RIMS2: variants seen among roughly 807,000 people sequenced by gnomAD.
RIMS2 encodes regulating synaptic membrane exocytosis 2, also known as regulating synaptic membrane exocytosis protein 2.
A neutral mutation model predicts 174.4 loss-of-function variants in RIMS2; 59 were observed. The observed-to-expected ratio is 0.34, with a 90% CI of 0.27 to 0.42. RIMS2 has a LOEUF of 0.42. Ranked by LOEUF, RIMS2 falls within the 10% of genes least tolerant of loss-of-function variation. The pLI, the probability that RIMS2 is intolerant of heterozygous loss-of-function variation, is 1.00. For synonymous variants in RIMS2, 606 were observed against 572.5 expected, an observed-to-expected ratio of 1.06 and a Z score of -0.84; for missense variants, 1,620 against 1,666.3, an observed-to-expected ratio of 0.97 and a Z score of 0.48.
chr8:103,938,424 G>T (rs2081788510), intron 13 of RIMS2, among the ~76,000 whole-genome samples: 1 of 152,046 alleles, frequency 6.6e-6, no homozygotes, highest in Admixed American at 6.6e-5. Context: ...TATTCACTAT[G>T]AGGAGAACAG....
At chr8:103,912,452 T>C (rs996816064) in intron 6 of RIMS2, among the ~76,000 whole-genome samples, 2 of 152,296 alleles carry the variant, frequency 1.3e-5, no homozygotes, top group Middle Eastern at 3.4e-3. Context: ...TGGTCGAATG[T>C]ATTTTAATTA....
chr8:103,835,765 A>G (rs770452163), intron 3 of RIMS2, among the ~76,000 whole-genome samples: 10 of 152,214 alleles, frequency 6.6e-5, no homozygotes, highest in Admixed American at 1.3e-4. Flanking sequence ...TCTAAATATA[A>G]TTGGTTAGCC....
chr8:104,099,357 A>G (rs1156295653), intron 19 of RIMS2, among the ~76,000 whole-genome samples: 1 of 151,848 alleles, frequency 6.6e-6, no homozygotes, highest in African/African-American at 2.4e-5. Context: ...TGTGGCTTGT[A>G]TTTTCTTTTT....
Position 104,207,099 on chromosome 8 carries a change from T to A in RIMS2, c.3335-37817T>A, listed in dbSNP as rs1157462970. Among the ~76,000 whole-genome samples the A allele has an allele frequency of 2.0e-5, 3 of 152,290 alleles. No homozygotes were observed. The East Asian group carries it at 5.8e-4, about 29-fold the overall frequency. ...CTAGGATTAAAAAAAAACAGGCTTC[T>A]TTTTTTACATATAAGGTTTGAAATG... On this transcript the variant is annotated intron_variant, in intron 19 of 23. Transcript: ENST00000504942.
At chr8:104,152,702 T>C (rs2098697087) in intron 19 of RIMS2, among the ~76,000 whole-genome samples, 1 of 152,090 alleles carries the variant, frequency 6.6e-6, no homozygotes, top group Non-Finnish European at 1.5e-5. Context: ...GCTTCTTTCT[T>C]CAGACATAAA....
At chr8:103,860,981 T>A (rs1257595379) in intron 3 of RIMS2, among the ~76,000 whole-genome samples, 1 of 152,090 alleles carries the variant, frequency 6.6e-6, no homozygotes. Context: ...ATTTTGTTTT[T>A]ATTTTTTATT....
intron 19 of RIMS2, among the ~76,000 whole-genome samples, chr8:104,067,391 A>G (rs188863962): frequency 9.7e-4 from 148 of 152,296 alleles, no homozygotes; most frequent in African/African-American, 3.4e-3. Flanking sequence ...CTTTCCTTTA[A>G]AAATGACAAA....
chr8:103,543,210 T>A (rs578041690), intron 1 of RIMS2, among the ~76,000 whole-genome samples: 1 of 152,280 alleles, frequency 6.6e-6, no homozygotes, highest in African/African-American at 2.4e-5. Context: ...ATCAGTAGCA[T>A]TTTTGTGCAG....
At chr8:103,786,450 C>T (rs960163289) in intron 3 of RIMS2, among the ~76,000 whole-genome samples, 1 of 151,820 alleles carries the variant, frequency 6.6e-6, no homozygotes, top group African/African-American at 2.4e-5. Flanking sequence ...GAATGCGTCC[C>T]AGAGATTCTG....
chr8:104,077,839 C>G (rs2097328126), intron 19 of RIMS2, among the ~76,000 whole-genome samples: 2 of 151,224 alleles, frequency 1.3e-5, no homozygotes, highest in East Asian at 2.0e-4. Context: ...CATAAAAGAT[C>G]TACAGTTAAA....
At chr8:104,147,930 G>A (rs2098655919) in intron 19 of RIMS2, among the ~76,000 whole-genome samples, 1 of 152,170 alleles carries the variant, frequency 6.6e-6, no homozygotes, top group Non-Finnish European at 1.5e-5. Context: ...ACACTGTCTG[G>A]AAAACTGATA....
chr8:103,665,068 T>C lies in RIMS2; in HGVS notation c.177-32018T>C, dbSNP rs142135154. Among the ~76,000 whole-genome samples the C allele has an allele frequency of 3.1e-3, 472 of 151,816 alleles. 4 individuals are homozygous for C. Among genetic ancestry groups the C allele is most frequent in the African/African-American group, 0.011 (452 of 41,346 alleles). ...GCATGTTTTCACTCATAGGTGGGAG[T>C]TGAACAATGAGAACACATGGACACA... On this transcript the variant is annotated intron_variant, in intron 1 of 23. Coordinates refer to ENST00000504942, the Ensembl canonical transcript of RIMS2.
At position 103,607,545 on chromosome 8, in the gene RIMS2, C is replaced by A. The variant is rs190935427; in HGVS notation, c.177-89541C>A. ...TGTTTTTCCTGAATCTGAACGTTGG[C>A]CTGCCTTGCTAGATCGGGGAAATTC... On this transcript the variant is annotated intron_variant, in intron 1 of 23. Transcript: ENST00000504942. 1.3e-3 allele frequency among the ~76,000 whole-genome samples: 196 copies of A among 149,076 alleles called. 7 individuals carry two copies. In the East Asian group the frequency reaches 0.035, roughly 27 times the overall value.
chr8:104,081,690 G>A (rs957036085), intron 19 of RIMS2, among the ~76,000 whole-genome samples: 3 of 151,862 alleles, frequency 2.0e-5, no homozygotes, highest in Non-Finnish European at 4.4e-5. Context: ...AAAAGAAATA[G>A]ACCTTATAAT....
chr8:103,825,462 T>TG (rs1338453953), intron 3 of RIMS2, among the ~76,000 whole-genome samples: 2 of 150,416 alleles, frequency 1.3e-5, no homozygotes, highest in African/African-American at 4.9e-5. Flanking sequence ...TTTTTTTTTT[T>TG]TTGTTAGAGA....
chr8:103,597,024 ACCAGG>A (rs1302952844), intron 1 of RIMS2, among the ~76,000 whole-genome samples: 4 of 152,146 alleles, frequency 2.6e-5, no homozygotes, highest in African/African-American at 4.8e-5. Flanking sequence ...TATTAAAGAA[ACCAGG>A]AAATGATTTG....
chr8:103,833,159 A>C (rs1408292717), intron 3 of RIMS2, among the ~76,000 whole-genome samples: 1 of 152,068 alleles, frequency 6.6e-6, no homozygotes, highest in African/African-American at 2.4e-5. Context: ...TTTGTTTTTA[A>C]ATTTACGTTT....
intron 19 of RIMS2, among the ~76,000 whole-genome samples, chr8:104,076,320 T>C (rs190647762): frequency 6.6e-6 from 1 of 152,198 alleles, no homozygotes; most frequent in Admixed American, 6.5e-5. Flanking sequence ...ATAGTTTTTT[T>C]TTGAATTCAT....
chr8:103,883,991 C>T (rs919254727), intron 3 of RIMS2, among the ~76,000 whole-genome samples: 2 of 151,784 alleles, frequency 1.3e-5, no homozygotes, highest in African/African-American at 2.4e-5. Context: ...TTATTCCTGT[C>T]GCCCATTCAA....
Sources: allele counts gnomAD v4.1 joint callset (sites outside exome capture counted in the v4.1 genomes callset), GRCh38; gene constraint gnomAD v4.1.1; transcripts MANE v1.5; gene names NCBI Gene and HGNC (gene_info 2026-07-23, HGNC 2026-07-21).